The following JMJD1C variants were observed in gnomAD, a reference collection of about 807,000 sequenced individuals.
JMJD1C encodes jumonji domain-containing protein 1C.
JMJD1C carries 31 observed loss-of-function variants against 245.3 expected under a neutral mutation model. That is an observed-to-expected ratio of 0.13 (90% CI 0.09 to 0.17). The LOEUF is 0.17. Ranked by LOEUF, JMJD1C falls within the 10% of genes least tolerant of loss-of-function variation. The pLI, the probability that JMJD1C is intolerant of heterozygous loss-of-function variation, is 1.00. For synonymous variants in JMJD1C, 1,057 were observed against 1,017.4 expected (o/e 1.04, Z -0.74); for missense variants, 2,691 against 3,000.2 (o/e 0.90, Z 2.41).
intron 3 of JMJD1C, among the ~76,000 whole-genome samples, chr10:63,259,991 T>C (rs1340406282): frequency 6.6e-6 from 1 of 150,668 alleles, no homozygotes; most frequent in Non-Finnish European, 1.5e-5. Flanking sequence ...AACCTCCACC[T>C]CCTGGGTTCA....
At chr10:63,440,353 A>ATATATAT (rs1554937971) in intron 1 of JMJD1C, among the ~76,000 whole-genome samples, 52 of 120,232 alleles carry the variant, frequency 4.3e-4, no homozygotes, top group East Asian at 2.2e-3. Context: ...AAAAAAAAAA[A>ATATATAT]ATATATATAT....
At chr10:63,454,285 A>C (rs568816382) in intron 1 of JMJD1C, among the ~76,000 whole-genome samples, 1 of 146,792 alleles carries the variant, frequency 6.8e-6, no homozygotes, top group African/African-American at 2.5e-5. Flanking sequence ...TTTCAGACTG[A>C]GTCTCCCTCT....
chr10:63,478,461 A>G (rs535828296), intron 1 of JMJD1C, among the ~76,000 whole-genome samples: 1 of 152,330 alleles, frequency 6.6e-6, no homozygotes, highest in South Asian at 2.1e-4. Flanking sequence ...ATGCAACAAT[A>G]TAGATATGGA....
intron 1 of JMJD1C, among the ~76,000 whole-genome samples, chr10:63,409,641 T>C (rs912059838): frequency 2.0e-5 from 3 of 152,214 alleles, no homozygotes; most frequent in South Asian, 2.1e-4. Context: ...GAAGGTAAGA[T>C]TGTAAATGAC....
At chr10:63,431,066 T>C (rs1322757293) in intron 1 of JMJD1C, among the ~76,000 whole-genome samples, 6 of 152,132 alleles carry the variant, frequency 3.9e-5, no homozygotes, top group Non-Finnish European at 7.4e-5. Flanking sequence ...ACACCTACAT[T>C]AGATGACAAT....
chr10:63,189,462 CA>C lies in JMJD1C; in HGVS notation c.6292-17del. On this transcript the variant is annotated splice_polypyrimidine_tract_variant and intron_variant, in intron 17 of 25. Coordinates refer to ENST00000399262, the MANE Select transcript of JMJD1C (RefSeq NM_032776.3). Reference sequence around the variant, plus strand: ...TTTTGCTACTCTATTAAGGAAAAAACAAAACAAAAAAAACCTGTTTTTGAGA... The same window carrying C: ...TTTTGCTACTCTATTAAGGAAAAAACAAACAAAAAAAACCTGTTTTTGAGA... 1 of 1,570,048 alleles carries C rather than the reference CA, an allele frequency of 6.4e-7. No individual in the cohort carries two copies. Among genetic ancestry groups the C allele is most frequent in the African/African-American group, 1.4e-5 (1 of 72,324 alleles).
intron 2 of JMJD1C, among the ~76,000 whole-genome samples, chr10:63,300,784 T>C (rs1379406307): frequency 1.3e-5 from 2 of 151,768 alleles, no homozygotes; most frequent in African/African-American, 4.8e-5. Flanking sequence ...CCCAGCTACT[T>C]GGGAGGCTGA....
In JMJD1C at chr10:63,339,681, T is replaced by C. The variant is rs191533661; in HGVS notation, c.333+40637A>G. On this transcript the variant is annotated intron_variant, in intron 2 of 25. Transcript: ENST00000399262. ...TGGCTCACGCCTATAATCCCAGCAC[T>C]TTGGGAGGTCAAGGCAGGTGGATCA... Among the ~76,000 whole-genome samples, 4 of 152,070 alleles carry C rather than the reference T, an allele frequency of 2.6e-5. No homozygotes were observed. The East Asian group carries it at 7.8e-4, about 30-fold the overall frequency.
At chr10:63,231,886 G>T (rs1850057865) in intron 3 of JMJD1C, among the ~76,000 whole-genome samples, 2 of 152,088 alleles carry the variant, frequency 1.3e-5, no homozygotes, top group Non-Finnish European at 2.9e-5. Flanking sequence ...CACTCAGGCT[G>T]GAGTGCAATG....
intron 1 of JMJD1C, among the ~76,000 whole-genome samples, chr10:63,398,271 T>C (rs1244736141): frequency 6.6e-6 from 1 of 152,166 alleles, no homozygotes; most frequent in Non-Finnish European, 1.5e-5. Context: ...CCCAACCATA[T>C]ATGACTCTTA....
chr10:63,182,046 A>G (rs1843555386), intron 22 of JMJD1C, among the ~76,000 whole-genome samples: 1 of 152,206 alleles, frequency 6.6e-6, no homozygotes, highest in Non-Finnish European at 1.5e-5. Flanking sequence ...TAGGTTGTGT[A>G]TTATAAAATT....
At chr10:63,298,471 A>G (rs1489941364) in intron 2 of JMJD1C, among the ~76,000 whole-genome samples, 1 of 152,146 alleles carries the variant, frequency 6.6e-6, no homozygotes, top group Non-Finnish European at 1.5e-5. Context: ...ATCCCTGCCA[A>G]TGTTGACACA....
chr10:63,370,339 A>G (rs1363018825), intron 2 of JMJD1C, among the ~76,000 whole-genome samples: 1 of 152,220 alleles, frequency 6.6e-6, no homozygotes, highest in Non-Finnish European at 1.5e-5. Context: ...GTTTCTCTCA[A>G]AGTGTACACC....
intron 3 of JMJD1C, among the ~76,000 whole-genome samples, chr10:63,263,461 T>C (rs1589323798): frequency 6.6e-6 from 1 of 152,328 alleles, no homozygotes; most frequent in Non-Finnish European, 1.5e-5. Flanking sequence ...CTCTACATTT[T>C]ATTTTTGAAA....
intron 1 of JMJD1C, among the ~76,000 whole-genome samples, chr10:63,440,656 G>A (rs540062718): frequency 6.6e-6 from 1 of 152,246 alleles, no homozygotes; most frequent in East Asian, 1.9e-4. Flanking sequence ...CTGAGTCTCA[G>A]AAGGAAGAGA....
intron 2 of JMJD1C, among the ~76,000 whole-genome samples, chr10:63,310,881 A>G (rs1190848891): frequency 6.6e-6 from 1 of 152,200 alleles, no homozygotes; most frequent in East Asian, 1.9e-4. Context: ...GTCATCAAAG[A>G]AGGACAAATA....
intron 1 of JMJD1C, among the ~76,000 whole-genome samples, chr10:63,417,341 T>C (rs1949867764): frequency 2.0e-5 from 3 of 152,194 alleles, no homozygotes; most frequent in Admixed American, 2.0e-4. Context: ...CTTAAAATGC[T>C]TTTTCCTTCA....
intron 8 of JMJD1C, among the ~76,000 whole-genome samples, chr10:63,211,712 T>A (rs1847358317): frequency 6.8e-6 from 1 of 147,486 alleles, no homozygotes; most frequent in Admixed American, 7.0e-5. Context: ...CAGAAAGCTG[T>A]CAAAAAAGAT....
intron 2 of JMJD1C, among the ~76,000 whole-genome samples, chr10:63,344,796 G>GA (rs954030336): frequency 2.0e-5 from 3 of 151,672 alleles, no homozygotes; most frequent in Non-Finnish European, 4.4e-5. Context: ...ACCACAAGGG[G>GA]AAAAAAAATT....
Sources: gnomAD v4.1 joint callset for allele counts (sites outside exome capture counted in the v4.1 genomes callset) on GRCh38, gnomAD v4.1.1 for gene constraint, MANE v1.5 for transcripts, NCBI Gene and HGNC (gene_info 2026-07-23, HGNC 2026-07-21) for gene names.